Variants in TSHZ2 observed in about 807,000 individuals in gnomAD.
TSHZ2 encodes the protein teashirt homolog 2.
TSHZ2 carries 21 observed loss-of-function variants against 74.4 expected under a neutral mutation model. The observed-to-expected ratio is 0.28, with a 90% CI of 0.20 to 0.41. The LOEUF (loss-of-function observed/expected upper bound fraction) is 0.41, where lower values mean the gene tolerates loss of function less well. TSHZ2 is among the 10% of genes least tolerant of loss of function. TSHZ2 has a pLI of 1.00. For missense variants in TSHZ2, 1,244 were observed against 1,293.5 expected (o/e 0.96, Z 0.59); for synonymous variants, 540 against 515.3 (o/e 1.05, Z -0.65).
intron 2 of TSHZ2, among the ~76,000 whole-genome samples, chr20:53,287,687 T>G (rs1991195632): frequency 6.6e-6 from 1 of 152,126 alleles, no homozygotes; most frequent in Admixed American, 6.5e-5. Context: ...GCCAGGGTAG[T>G]GGTATTTTGG....
chr20:53,259,133 T>C (rs953898580), intron 2 of TSHZ2, among the ~76,000 whole-genome samples: 2 of 152,238 alleles, frequency 1.3e-5, no homozygotes, highest in Admixed American at 6.5e-5. Flanking sequence ...GGTTTCTAAA[T>C]GGTCATGAAA....
chr20:53,222,130 T>C (rs1989578024), intron 1 of TSHZ2, among the ~76,000 whole-genome samples: 1 of 152,202 alleles, frequency 6.6e-6, no homozygotes, highest in South Asian at 2.1e-4. Flanking sequence ...GACCATTCTT[T>C]TTCCTATTTC....
chr20:53,008,980 CCTCTCTCT>C (rs55692015), intron 1 of TSHZ2, among the ~76,000 whole-genome samples: 6,840 of 130,304 alleles, frequency 0.052, 206 homozygotes, highest in Middle Eastern at 0.11. Flanking sequence ...TTGTCTTTCT[CCTCTCTCT>C]CTCTCTCTCT....
intron 1 of TSHZ2, among the ~76,000 whole-genome samples, chr20:52,982,654 G>A (rs1479276667): frequency 6.6e-6 from 1 of 152,126 alleles, no homozygotes; most frequent in African/African-American, 2.4e-5. Context: ...ATATTCTTGT[G>A]GGCTAGCCTA....
chr20:53,191,189 A>G (rs946611120), intron 1 of TSHZ2, among the ~76,000 whole-genome samples: 4 of 152,144 alleles, frequency 2.6e-5, no homozygotes, highest in Non-Finnish European at 4.4e-5. Flanking sequence ...AAACATTATT[A>G]CGTATTGTAT....
At chr20:53,437,092 TTC>T (rs1470275475) in intron 2 of TSHZ2, among the ~76,000 whole-genome samples, 1 of 152,236 alleles carries the variant, frequency 6.6e-6, no homozygotes, top group Non-Finnish European at 1.5e-5. Flanking sequence ...CTCCAGAATA[TTC>T]TCTCACGTCT....
chr20:53,280,670 TG>T (rs1459265211), intron 2 of TSHZ2, among the ~76,000 whole-genome samples: 246 of 150,662 alleles, frequency 1.6e-3, no homozygotes, highest in African/African-American at 5.7e-3. Flanking sequence ...TGTTTTTTGT[TG>T]TTGTTGTTGT....
At position 53,254,961 on chromosome 20, in the gene TSHZ2, A is replaced by G; in HGVS notation, c.1503A>G (p.Leu501=). ...PLDPTIKYQY[L]REEDLEDGSK... is the part of the protein sequence containing the mutation. ...ACCCTACAATCAAATATCAATACCTAAGGGAGGAAGACTTGGAAGATGGCT... is the reference window on the plus strand; with the variant it reads ...ACCCTACAATCAAATATCAATACCTGAGGGAGGAAGACTTGGAAGATGGCT... Residue 501 remains leucine (L), a synonymous_variant, in exon 2 of 3, where the codon CTA becomes CTG. Coordinates refer to ENST00000371497, the MANE Select transcript of TSHZ2 (RefSeq NM_173485.6). The G allele has an allele frequency of 6.2e-7, 1 of 1,614,128 alleles. No individual in the cohort carries two copies. Among genetic ancestry groups the G allele is most frequent in the Non-Finnish European group, 8.5e-7 (1 of 1,180,010 alleles).
chr20:53,452,567 C>G (rs1466499484), intron 2 of TSHZ2, among the ~76,000 whole-genome samples: 2 of 148,188 alleles, frequency 1.3e-5, no homozygotes, highest in East Asian at 4.0e-4. Flanking sequence ...CCACCGCACT[C>G]TAGCCTGGGT....
At chr20:53,190,137 A>ATATATATT (rs1568803538) in intron 1 of TSHZ2, among the ~76,000 whole-genome samples, 5 of 90,512 alleles carry the variant, frequency 5.5e-5, no homozygotes, top group Non-Finnish European at 4.4e-5. Context: ...ATATATATAT[A>ATATATATT]TTTTCTTAAA....
chr20:53,259,252 T>A (rs2123735320), intron 2 of TSHZ2, among the ~76,000 whole-genome samples: 1 of 152,382 alleles, frequency 6.6e-6, no homozygotes, highest in Admixed American at 6.5e-5. Flanking sequence ...TCTTGGAAAC[T>A]ATGAGAGCTT....
In TSHZ2 at chr20:53,489,982, T is replaced by G. The variant is rs1409341696; in HGVS notation, c.*2847T>G. Reference sequence around the variant, plus strand: ...CTTTTTGCTGAATAAAACACAGTTCTGATAAGTAAGAACTTTAGAATTGGA... The same window carrying G: ...CTTTTTGCTGAATAAAACACAGTTCGGATAAGTAAGAACTTTAGAATTGGA... On this transcript the variant is annotated 3_prime_UTR_variant, in exon 3 of 3. Coordinates refer to ENST00000371497, the MANE Select transcript of TSHZ2 (RefSeq NM_173485.6). The G allele has an allele frequency of 1.3e-5, 2 of 152,240 alleles. No homozygotes were observed. Among genetic ancestry groups the G allele is most frequent in the African/African-American group, 4.8e-5 (2 of 41,460 alleles). The allele number at this position is 152,240 out of a possible 1,614,324, so 9.4% of individuals were successfully genotyped here. A position where few individuals can be genotyped will look rare whatever the true frequency, so the allele number is the denominator to read the frequency against.
At chr20:53,150,290 A>AT (rs1016219354) in intron 1 of TSHZ2, among the ~76,000 whole-genome samples, 3 of 152,210 alleles carry the variant, frequency 2.0e-5, no homozygotes, top group African/African-American at 7.2e-5. Context: ...AGGCCAGATG[A>AT]TTTTGATAAC....
intron 2 of TSHZ2, among the ~76,000 whole-genome samples, chr20:53,285,935 G>T (rs534580178): frequency 6.6e-6 from 1 of 152,274 alleles, no homozygotes; most frequent in Non-Finnish European, 1.5e-5. Context: ...GGACAGAAAT[G>T]ATTCCTACCC....
At chr20:53,209,608 G>A (rs1176210292) in intron 1 of TSHZ2, among the ~76,000 whole-genome samples, 1 of 152,182 alleles carries the variant, frequency 6.6e-6, no homozygotes, top group Non-Finnish European at 1.5e-5. Flanking sequence ...CCCTGCTGAG[G>A]TTTTAAGAGT....
At position 53,389,364 on chromosome 20, in the gene TSHZ2, C is replaced by T. The variant is rs559540776; in HGVS notation, c.*9-97780C>T. 7.9e-5 allele frequency among the ~76,000 whole-genome samples: 12 copies of T among 152,330 alleles called. No individual in the cohort carries two copies. The South Asian group carries it at 1.4e-3, about 18-fold the overall frequency. On this transcript the variant is annotated intron_variant, in intron 2 of 2. Coordinates refer to ENST00000371497, the MANE Select transcript of TSHZ2 (RefSeq NM_173485.6). ...CCGGACTCGAAGCTCAACTCCTACA[C>T]GATTGTGTCTCTATTGCTTGTTGAA...
intron 2 of TSHZ2, among the ~76,000 whole-genome samples, chr20:53,299,762 A>G (rs1003678480): frequency 6.6e-6 from 1 of 151,974 alleles, no homozygotes; most frequent in African/African-American, 2.4e-5. Context: ...ATGTAATTAG[A>G]TGACTACAGT....
intron 1 of TSHZ2, among the ~76,000 whole-genome samples, chr20:53,138,351 T>G (rs1987301353): frequency 6.8e-6 from 1 of 148,144 alleles, no homozygotes; most frequent in Non-Finnish European, 1.5e-5. Context: ...GCCGCTGCAC[T>G]CCAGCCTGGA....
intron 2 of TSHZ2, among the ~76,000 whole-genome samples, chr20:53,405,293 T>C (rs1395133007): frequency 6.6e-6 from 1 of 151,884 alleles, no homozygotes; most frequent in Non-Finnish European, 1.5e-5. Flanking sequence ...TGGAAACTTG[T>C]TGTAACTTGA....
Sources: gnomAD v4.1 joint callset for allele counts (sites outside exome capture counted in the v4.1 genomes callset) on GRCh38, gnomAD v4.1.1 for gene constraint, MANE v1.5 for transcripts, NCBI Gene and HGNC (gene_info 2026-07-23, HGNC 2026-07-21) for gene names.